RXYLT1: variants seen among roughly 807,000 people sequenced by gnomAD.
RXYLT1 encodes the protein ribitol-5-phosphate xylosyltransferase 1.
Under a neutral mutation model 43.5 loss-of-function variants are expected in RXYLT1, and 41 were observed. That is an observed-to-expected ratio of 0.94 (90% CI 0.73 to 1.22). RXYLT1 has a LOEUF of 1.22. RXYLT1 is among the 50% of genes most tolerant of loss of function. The probability of loss-of-function intolerance (pLI) is 0.00; values close to 1 mark genes in which losing one functional copy is unlikely to be tolerated. For synonymous variants in RXYLT1, 166 were observed against 194.4 expected (o/e 0.85, Z 1.21); for missense variants, 514 against 532.0 (o/e 0.97, Z 0.33).
chr12:63,803,059 C>T (rs953087355), intron 4 of RXYLT1, among the ~76,000 whole-genome samples: 4 of 150,420 alleles, frequency 2.7e-5, no homozygotes, highest in East Asian at 2.0e-4. Flanking sequence ...TCCTGTATGG[C>T]GCCTCTAGTC....
intron 5 of RXYLT1, chr12:63,806,730 C>T (rs1038622789): frequency 1.3e-5 from 2 of 151,938 alleles, no homozygotes; most frequent in Non-Finnish European, 2.9e-5. Flanking sequence ...CTTTCCCTCC[C>T]TAATAATCCC....
rs535990595 is a variant in RXYLT1, at chr12:63,792,025, T to C, written c.428+6953T>C. Among the ~76,000 whole-genome samples, 368 of 152,318 alleles carry C rather than the reference T, an allele frequency of 2.4e-3. 2 individuals carry two copies. Among genetic ancestry groups the C allele is most frequent in the Middle Eastern group, 0.017 (5 of 294 alleles). ...TTTGAGCACTGAAAGGCTAAGTACC[T>C]GGCCTAAGGTTACATACTTCTAATT... is the stretch of plus-strand genomic sequence containing the variant. On this transcript the variant is annotated intron_variant, in intron 3 of 5. Transcript: ENST00000261234.
Position 63,781,163 on chromosome 12 carries a change from A to C in RXYLT1, c.314A>C (p.Lys105Thr). 1 of 1,566,166 alleles carries C rather than the reference A, an allele frequency of 6.4e-7. No homozygotes were observed. Residue 105 changes from lysine to threonine, a missense_variant, in exon 2 of 6, where the codon AAA becomes ACA. By Grantham distance (78) the Lys-to-Thr change is moderately conservative. Transcript: ENST00000261234. ...GATCTCAGTGTACAAATCTGGGGCAAAGCTGCCATTGGTAAGTTAATACGT... is the reference window on the plus strand; with the variant it reads ...GATCTCAGTGTACAAATCTGGGGCACAGCTGCCATTGGTAAGTTAATACGT... ...KTDLSVQIWGKAAIGLYLWEH... is the reference protein window; with the variant it reads ...KTDLSVQIWGTAAIGLYLWEH...
chr12:63,790,012 T>C (rs1185577450), intron 3 of RXYLT1, among the ~76,000 whole-genome samples: 2 of 152,226 alleles, frequency 1.3e-5, no homozygotes, highest in Non-Finnish European at 2.9e-5. Context: ...TATCATTTAA[T>C]TGTAGCCTCG....
At chr12:63,792,378 C>T (rs1300206020) in intron 3 of RXYLT1, among the ~76,000 whole-genome samples, 3 of 152,210 alleles carry the variant, frequency 2.0e-5, no homozygotes. Context: ...CACTCCTGTT[C>T]AGCCGATGTC....
chr12:63,784,744 T>G (rs897668576), intron 2 of RXYLT1, among the ~76,000 whole-genome samples: 1 of 152,230 alleles, frequency 6.6e-6, no homozygotes, highest in African/African-American at 2.4e-5. Flanking sequence ...AACTCACATT[T>G]TGCCACATTT....
At chr12:63,801,574 C>A (rs1292990495) in intron 3 of RXYLT1, among the ~76,000 whole-genome samples, 5 of 152,120 alleles carry the variant, frequency 3.3e-5, no homozygotes, top group Non-Finnish European at 7.3e-5. Flanking sequence ...AATCCCAGTA[C>A]TTTGGGAGAC....
chr12:63,780,373 C>G lies in RXYLT1; in HGVS notation c.169+244C>G, dbSNP rs1258832606. ...TCCCAGGGGGTGACAGGCGCGCACGCCTTTCAAACACGTGTTAAAATCCAA... is the reference window on the plus strand; with the variant it reads ...TCCCAGGGGGTGACAGGCGCGCACGGCTTTCAAACACGTGTTAAAATCCAA... On this transcript the variant is annotated intron_variant, in intron 1 of 5. Coordinates refer to ENST00000261234, the MANE Select transcript of RXYLT1 (RefSeq NM_014254.3). The G allele has an allele frequency of 7.8e-6, 10 of 1,286,438 alleles. No individual in the cohort carries two copies. In the Admixed American group the frequency reaches 4.1e-4, roughly 53 times the overall value. 79.7% of individuals were successfully genotyped at this position (1,286,438 alleles called of 1,614,324 possible).
chr12:63,785,048 C>A lies in RXYLT1; in HGVS notation c.404C>A (p.Ser135Ter). 2 of 1,613,640 alleles carry A rather than the reference C, an allele frequency of 1.2e-6. No individual in the cohort carries two copies. The highest frequency in any genetic ancestry group is 2.2e-5 in the South Asian group (2 of 91,040). Residue 135 changes from serine to a stop codon, truncating the protein, a stop_gained, in exon 3 of 6, where the codon TCA (serine) becomes TAA (stop). Transcript: ENST00000261234. LOFTEE classifies it high-confidence loss of function. ...ACTGCTCAATGGAGAGAAGGAAAGT[C>A]AATCGTAGGAAGAACACAGTACAGG... ...DVTAQWREGKSIVGRTQYSFI... is the reference protein window; with the variant it reads ...DVTAQWREGK
chr12:63,798,416 A>G (rs1356148603), intron 3 of RXYLT1, among the ~76,000 whole-genome samples: 1 of 152,192 alleles, frequency 6.6e-6, no homozygotes, highest in East Asian at 1.9e-4. Flanking sequence ...TTCTCAACCC[A>G]TTGCAGTTTG....
chr12:63,799,187 TG>T (rs1898100430), intron 3 of RXYLT1, among the ~76,000 whole-genome samples: 1 of 152,162 alleles, frequency 6.6e-6, no homozygotes. Context: ...TTAATTTGTG[TG>T]GATCACTAAA....
chr12:63,787,708 A>G (rs1178513387), intron 3 of RXYLT1, among the ~76,000 whole-genome samples: 2 of 152,132 alleles, frequency 1.3e-5, no homozygotes, highest in East Asian at 1.9e-4. Context: ...GCTTCCTGCA[A>G]CTTGCGCCCC....
At chr12:63,786,688 T>G (rs1482682857) in intron 3 of RXYLT1, among the ~76,000 whole-genome samples, 1 of 152,238 alleles carries the variant, frequency 6.6e-6, no homozygotes, top group African/African-American at 2.4e-5. Context: ...CTGGGGTGGC[T>G]GTGACAATTT....
intron 2 of RXYLT1, among the ~76,000 whole-genome samples, chr12:63,783,625 A>G (rs909995559): frequency 3.3e-5 from 5 of 152,272 alleles, no homozygotes; most frequent in Middle Eastern, 3.4e-3. Flanking sequence ...AAGGCAATCT[A>G]ATCTAGGCTT....
At chr12:63,789,223 C>CTAA (rs1451275552) in intron 3 of RXYLT1, among the ~76,000 whole-genome samples, 2 of 152,036 alleles carry the variant, frequency 1.3e-5, no homozygotes, top group East Asian at 1.9e-4. Context: ...AATAATTGGC[C>CTAA]TAATAGTGTT....
intron 4 of RXYLT1, chr12:63,804,012 C>T (rs988957407): frequency 1.3e-5 from 2 of 152,194 alleles, no homozygotes; most frequent in Admixed American, 1.3e-4. Flanking sequence ...CATCACCACT[C>T]CTGGCTAATT....
intron 3 of RXYLT1, among the ~76,000 whole-genome samples, chr12:63,799,791 G>A (rs1898118110): frequency 6.6e-6 from 1 of 152,002 alleles, no homozygotes; most frequent in South Asian, 2.1e-4. Flanking sequence ...ACTTTCTCAT[G>A]CTCTTAAGAA....
intron 5 of RXYLT1, chr12:63,808,277 G>T: frequency 5.0e-6 from 1 of 198,036 alleles, no homozygotes; most frequent in Non-Finnish European, 1.0e-5. Flanking sequence ...TTACTCCTTT[G>T]CTCTTTTCTC....
intron 5 of RXYLT1, chr12:63,806,535 G>C (rs1291854621): frequency 1.3e-5 from 2 of 152,272 alleles, no homozygotes; most frequent in Admixed American, 1.3e-4. Flanking sequence ...GAGGCAGGCA[G>C]GAATGTGCTT....
Sources: gnomAD v4.1 joint callset for allele counts (sites outside exome capture counted in the v4.1 genomes callset) on GRCh38, gnomAD v4.1.1 for gene constraint, MANE v1.5 for transcripts, NCBI Gene and HGNC (gene_info 2026-07-23, HGNC 2026-07-21) for gene names.